The following FGGY variants were observed in gnomAD, a reference collection of about 807,000 sequenced individuals.
FGGY encodes the protein FGGY carbohydrate kinase domain-containing protein.
In FGGY, 72 loss-of-function variants were observed where a neutral mutation model predicts 71.3. The observed-to-expected ratio is 1.01, with a 90% CI of 0.84 to 1.23. The LOEUF (loss-of-function observed/expected upper bound fraction) is 1.23. Ranked by LOEUF, FGGY falls within the 50% of genes most tolerant of loss-of-function variation. The pLI is 0.00. For missense variants in FGGY, 668 were observed against 682.3 expected (o/e 0.98, Z 0.23); for synonymous variants, 251 against 250.3 (o/e 1.00, Z -0.02).
At chr1:59,539,336 G>T (rs2095403210) in intron 7 of FGGY, among the ~76,000 whole-genome samples, 1 of 152,142 alleles carries the variant, frequency 6.6e-6, no homozygotes, top group African/African-American at 2.4e-5. Flanking sequence ...AACAAAGTTG[G>T]GAAAACTCCA....
At chr1:59,756,160 C>A (rs563467748) in intron 14 of FGGY, 1 of 152,334 alleles carries the variant, frequency 6.6e-6, no homozygotes, top group African/African-American at 2.4e-5. Flanking sequence ...TGACTCCAGA[C>A]AGCCCTTTTA....
chr1:59,427,505 C>T (rs1011685502), intron 5 of FGGY, among the ~76,000 whole-genome samples: 1 of 152,172 alleles, frequency 6.6e-6, no homozygotes, highest in African/African-American at 2.4e-5. Flanking sequence ...AATTTCAGTC[C>T]AGGCTCTCTG....
Position 59,493,096 on chromosome 1 carries a change from AAC to A in FGGY, c.671-19181_671-19180del, listed in dbSNP as rs3035371. Among the ~76,000 whole-genome samples the A allele has an allele frequency of 9.8e-3, 1,405 of 143,098 alleles. 25 individuals carry two copies. The highest frequency in any genetic ancestry group is 0.028 in the African/African-American group (1,076 of 38,542). 93.9% of individuals were successfully genotyped at this position (143,098 alleles called of 152,430 possible). On this transcript the variant is annotated intron_variant, in intron 6 of 15. Coordinates refer to ENST00000303721, the MANE Select transcript of FGGY (RefSeq NM_018291.5). Reference sequence around the variant, plus strand: ...TAGGATGGCTACTATTACCAAACAAAACACACACACACACACACACACACACA... The same window carrying A: ...TAGGATGGCTACTATTACCAAACAAAACACACACACACACACACACACACA...
In FGGY at chr1:59,401,739, A is replaced by G. The variant is rs575790193; in HGVS notation, c.554+22902A>G. The stretch of plus-strand genomic sequence containing the variant: ...GCCAGTTAAACTAATGAATTCCCTC[A>G]AGGAATTGATTCTAGTAATAGAGAT... On this transcript the variant is annotated intron_variant, in intron 5 of 15. Coordinates refer to ENST00000303721, the MANE Select transcript of FGGY (RefSeq NM_018291.5). Among the ~76,000 whole-genome samples, 12 of 152,334 alleles carry G rather than the reference A, an allele frequency of 7.9e-5. No homozygotes were observed. The South Asian group carries it at 1.7e-3, about 21-fold the overall frequency.
Position 59,321,558 on chromosome 1 carries a change from T to C in FGGY, c.9T>C (p.Gly3=), listed in dbSNP as rs202081610. The C allele has an allele frequency of 2.8e-4, 450 of 1,613,860 alleles. 2 individuals are homozygous for C. The African/African-American group carries it at 5.1e-3, about 18-fold the overall frequency. ...TAGGTGGAGGAACTGCAATGTCTGG[T>C]GGAGAACAGAAACCAGAGAGGTACT... MS[G]GEQKPERYYV... The change falls in exon 2 of 16, where the codon GGT becomes GGC. Residue 3 remains glycine, a synonymous_variant. Coordinates refer to ENST00000303721, the MANE Select transcript of FGGY (RefSeq NM_018291.5).
rs181826967 is a variant in FGGY at position 59,316,582 on chromosome 1, T to G, written c.-14-4954T>G. 9.2e-5 allele frequency among the ~76,000 whole-genome samples: 14 copies of G among 152,308 alleles called. No individual in the cohort carries two copies. The East Asian group carries it at 1.9e-3, about 21-fold the overall frequency. ...AGCAGTTTGCACATTTGTTGAAGAA[T>G]CAGCCACAAAGTCTGTGGTTTCCTG... On this transcript the variant is annotated intron_variant, in intron 1 of 15. Coordinates refer to ENST00000303721, the MANE Select transcript of FGGY (RefSeq NM_018291.5).
At chr1:59,365,166 A>C (rs778736060) in intron 4 of FGGY, among the ~76,000 whole-genome samples, 9 of 152,186 alleles carry the variant, frequency 5.9e-5, no homozygotes, top group Non-Finnish European at 1.3e-4. Flanking sequence ...GGTTGGAATC[A>C]CAGGAGTGAT....
At chr1:59,750,079 C>T (rs1195220699) in intron 14 of FGGY, among the ~76,000 whole-genome samples, 2 of 152,060 alleles carry the variant, frequency 1.3e-5, no homozygotes, top group African/African-American at 4.8e-5. Context: ...ATTATTATTC[C>T]CACTTAATAA....
chr1:59,691,731 T>G (rs1257520882), intron 14 of FGGY, among the ~76,000 whole-genome samples: 1 of 151,974 alleles, frequency 6.6e-6, no homozygotes, highest in African/African-American at 2.4e-5. Context: ...TTCTTGGTAC[T>G]TACAGCCTTA....
intron 14 of FGGY, chr1:59,681,050 C>A (rs1365393356): frequency 6.6e-6 from 1 of 152,124 alleles, no homozygotes; most frequent in African/African-American, 2.4e-5. Context: ...CAGAGAATGA[C>A]CATACTCACC....
chr1:59,582,807 C>T (rs1558428831), intron 8 of FGGY, among the ~76,000 whole-genome samples: 2 of 150,298 alleles, frequency 1.3e-5, no homozygotes, highest in Non-Finnish European at 2.9e-5. Flanking sequence ...CCTCATAAAG[C>T]TCCTCACACA....
At chr1:59,372,141 A>T (rs1474083622) in intron 4 of FGGY, among the ~76,000 whole-genome samples, 1 of 152,176 alleles carries the variant, frequency 6.6e-6, no homozygotes, top group African/African-American at 2.4e-5. Flanking sequence ...TTTTGAAAGG[A>T]TCAACAAAAT....
chr1:59,452,049 T>C (rs1280640094), intron 5 of FGGY, among the ~76,000 whole-genome samples: 1 of 152,034 alleles, frequency 6.6e-6, no homozygotes, highest in Non-Finnish European at 1.5e-5. Flanking sequence ...TGTATTCATT[T>C]AATTACAGTA....
At chr1:59,446,056 T>G (rs879908792) in intron 5 of FGGY, among the ~76,000 whole-genome samples, 1 of 152,186 alleles carries the variant, frequency 6.6e-6, no homozygotes, top group African/African-American at 2.4e-5. Flanking sequence ...ACATAAAATT[T>G]CTATGCATAA....
rs2097134247 is a variant in FGGY at position 59,649,478 on chromosome 1, T to C, written c.1222-10741T>C. Reference sequence around the variant, plus strand: ...AGAGGTCCTTCACATCCCTTGTAAGTTGGATTCCTAGGTATTTTATTCTCT... The same window carrying C: ...AGAGGTCCTTCACATCCCTTGTAAGCTGGATTCCTAGGTATTTTATTCTCT... On this transcript the variant is annotated intron_variant, in intron 11 of 15. Coordinates refer to ENST00000303721, the MANE Select transcript of FGGY (RefSeq NM_018291.5). Among the ~76,000 whole-genome samples the C allele has an allele frequency of 7.0e-5, 2 of 28,628 alleles. 1 individual carries two copies. Among genetic ancestry groups the C allele is most frequent in the Non-Finnish European group, 1.4e-4 (2 of 14,142 alleles). 18.8% of individuals were successfully genotyped at this position (28,628 alleles called of 152,430 possible). A position where few individuals can be genotyped will look rare whatever the true frequency, so the allele number is the denominator to read the frequency against.
At chr1:59,404,377 A>T (rs1165978405) in intron 5 of FGGY, among the ~76,000 whole-genome samples, 1 of 152,062 alleles carries the variant, frequency 6.6e-6, no homozygotes. Context: ...AAAAAAATAC[A>T]TTTTTTCTTT....
At chr1:59,716,881 G>A (rs567039115) in intron 14 of FGGY, among the ~76,000 whole-genome samples, 59 of 152,244 alleles carry the variant, frequency 3.9e-4, no homozygotes, top group African/African-American at 1.3e-3. Context: ...GCTCTCAGAC[G>A]GACAGAATCA....
At chr1:59,352,885 A>G (rs974720726) in intron 4 of FGGY, among the ~76,000 whole-genome samples, 2 of 152,240 alleles carry the variant, frequency 1.3e-5, no homozygotes, top group Non-Finnish European at 2.9e-5. Context: ...GATAGACAAT[A>G]TAAGTTTCTT....
chr1:59,677,511 C>G (rs946741017), intron 14 of FGGY, among the ~76,000 whole-genome samples: 1 of 152,158 alleles, frequency 6.6e-6, no homozygotes, highest in African/African-American at 2.4e-5. Flanking sequence ...AGGACCCAGA[C>G]AGTAGAGGTA....
Sources: allele counts gnomAD v4.1 joint callset (sites outside exome capture counted in the v4.1 genomes callset), GRCh38; gene constraint gnomAD v4.1.1; transcripts MANE v1.5; gene names NCBI Gene and HGNC (gene_info 2026-07-23, HGNC 2026-07-21).